Variants in DCHS2 observed in about 807,000 individuals in gnomAD.
The protein encoded by DCHS2 is protocadherin-23.
In DCHS2, 142 loss-of-function variants were observed where a neutral mutation model predicts 182.4. That is an observed-to-expected ratio of 0.78 (90% CI 0.68 to 0.89). The LOEUF (loss-of-function observed/expected upper bound fraction) is 0.89, where lower values mean the gene tolerates loss of function less well. DCHS2 is among the 40% of genes least tolerant of loss of function. The pLI is 0.00. For synonymous variants in DCHS2, 1,740 were observed against 1,663.3 expected, an observed-to-expected ratio of 1.05 and a Z score of -1.12; for missense variants, 4,319 against 4,198.6, an observed-to-expected ratio of 1.03 and a Z score of -0.79.
chr4:154,251,455 C>T (rs911435116), intron 16 of DCHS2, among the ~76,000 whole-genome samples: 4 of 152,066 alleles, frequency 2.6e-5, no homozygotes, highest in South Asian at 2.1e-4. Flanking sequence ...AGCAGGAGTT[C>T]CATAAATGGA....
At position 154,361,912 on chromosome 4, in the gene DCHS2, T is replaced by C. The variant is rs146121033; in HGVS notation, c.2476+4298A>G. On this transcript the variant is annotated intron_variant, in intron 3 of 19. Coordinates refer to ENST00000357232, the MANE Select transcript of DCHS2 (RefSeq NM_001358235.2). ...CTATAACAGAAAGCATGTAAGTTTA[T>C]AAAATAGCATGTCTGATAAAGAAAG... Among the ~76,000 whole-genome samples, 23 of 152,120 alleles carry C rather than the reference T, an allele frequency of 1.5e-4. No individual in the cohort carries two copies. The East Asian group carries it at 3.7e-3, about 24-fold the overall frequency.
chr4:154,247,119 A>G (rs770264427), intron 16 of DCHS2, among the ~76,000 whole-genome samples: 1 of 152,234 alleles, frequency 6.6e-6, no homozygotes, highest in Non-Finnish European at 1.5e-5. Context: ...ATTTTAAAAT[A>G]CTATGGATGA....
chr4:154,429,921 A>T (rs1433549818), intron 1 of DCHS2, among the ~76,000 whole-genome samples: 2 of 152,192 alleles, frequency 1.3e-5, no homozygotes, highest in Non-Finnish European at 1.5e-5. Flanking sequence ...CCACATCTGC[A>T]AAATATGGGT....
At chr4:154,455,881 G>A (rs1734742874) in intron 1 of DCHS2, among the ~76,000 whole-genome samples, 1 of 152,138 alleles carries the variant, frequency 6.6e-6, no homozygotes, top group Non-Finnish European at 1.5e-5. Context: ...CTTGAGGCCA[G>A]GAGTTCGAGC....
At chr4:154,375,725 G>T (rs1338814639) in intron 2 of DCHS2, among the ~76,000 whole-genome samples, 1 of 152,038 alleles carries the variant, frequency 6.6e-6, no homozygotes, top group Non-Finnish European at 1.5e-5. Context: ...ATACTTCACT[G>T]GTGGGAGCGC....
At chr4:154,433,897 AC>A (rs1285137884) in intron 1 of DCHS2, among the ~76,000 whole-genome samples, 2 of 152,222 alleles carry the variant, frequency 1.3e-5, no homozygotes, top group Non-Finnish European at 2.9e-5. Flanking sequence ...TTGCCAAATT[AC>A]CCAGTTTCAG....
chr4:154,249,352 A>T (rs1732237327), intron 16 of DCHS2, among the ~76,000 whole-genome samples: 1 of 152,216 alleles, frequency 6.6e-6, no homozygotes, highest in Admixed American at 6.5e-5. Flanking sequence ...ATCACTAATC[A>T]TCAGAGAAAT....
rs371293164 is a variant in DCHS2, at chr4:154,286,704, C to A, written c.6463+11147G>T. On this transcript the variant is annotated intron_variant, in intron 13 of 19. Transcript: ENST00000357232. The stretch of plus-strand genomic sequence containing the variant: ...GATGAAAAAGAAGAAAGCACATCTA[C>A]AAGATCTAGAAAATAGCCTCAAAAG... 1.6e-4 allele frequency among the ~76,000 whole-genome samples: 24 copies of A among 152,032 alleles called. 1 individual carries two copies. The East Asian group carries it at 2.1e-3, about 14-fold the overall frequency.
chr4:154,455,680 C>A (rs892411897), intron 1 of DCHS2, among the ~76,000 whole-genome samples: 2 of 152,198 alleles, frequency 1.3e-5, no homozygotes, highest in African/African-American at 4.8e-5. Context: ...TGCAAAATGC[C>A]ATGCAGCAAT....
At chr4:154,300,720 A>C (rs1246838145) in intron 12 of DCHS2, among the ~76,000 whole-genome samples, 4 of 152,062 alleles carry the variant, frequency 2.6e-5, no homozygotes, top group Non-Finnish European at 5.9e-5. Context: ...TTAAAAAAAA[A>C]GAAAAGAAAA....
intron 2 of DCHS2, among the ~76,000 whole-genome samples, chr4:154,374,530 T>G (rs1262407981): frequency 6.6e-6 from 1 of 152,192 alleles, no homozygotes; most frequent in Non-Finnish European, 1.5e-5. Flanking sequence ...TTCCTACATA[T>G]TTTCTTACAT....
intron 1 of DCHS2, among the ~76,000 whole-genome samples, chr4:154,465,757 A>G (rs934239408): frequency 6.6e-6 from 1 of 152,152 alleles, no homozygotes; most frequent in Non-Finnish European, 1.5e-5. Context: ...TCAATAAAGG[A>G]CAATACACAA....
At chr4:154,310,784 A>G (rs1470674593) in intron 10 of DCHS2, among the ~76,000 whole-genome samples, 1 of 152,166 alleles carries the variant, frequency 6.6e-6, no homozygotes, top group African/African-American at 2.4e-5. Flanking sequence ...GTTGGTAGAG[A>G]TATTATGATG....
chr4:154,478,797 A>C (rs1735798959), intron 1 of DCHS2, among the ~76,000 whole-genome samples: 1 of 152,208 alleles, frequency 6.6e-6, no homozygotes, highest in Admixed American at 6.5e-5. Context: ...CAGGTGCCTG[A>C]GAGTCAGAAT....
rs761474198 is a variant in DCHS2 at position 154,242,636 on chromosome 4, ACTTAC to A, written c.7072+1_7072+5del. ...CAAAACCACTATGCCAAATTGTCAC[ACTTAC>A]CTTCTGTAATTTCCACTGCTTCAGA... On this transcript the variant is annotated splice_donor_variant and splice_donor_5th_base_variant and intron_variant, in intron 17 of 19. Transcript: ENST00000357232. LOFTEE classifies it high-confidence loss of function. 1.2e-6 allele frequency: 2 copies of A among 1,606,816 alleles called. No homozygotes were observed. The highest frequency in any genetic ancestry group is 1.7e-6 in the Non-Finnish European group (2 of 1,177,434).
intron 3 of DCHS2, among the ~76,000 whole-genome samples, chr4:154,349,131 A>G (rs185298254): frequency 4.6e-5 from 7 of 152,124 alleles, no homozygotes; most frequent in Admixed American, 1.3e-4. Flanking sequence ...TTTATTTGCA[A>G]TTCTAGAGTT....
chr4:154,353,263 G>T (rs1352868236), intron 3 of DCHS2, among the ~76,000 whole-genome samples: 2 of 151,582 alleles, frequency 1.3e-5, no homozygotes, highest in Non-Finnish European at 2.9e-5. Flanking sequence ...AGGATTCAAA[G>T]AATTCCTCAG....
At chr4:154,375,447 CA>C (rs1730845277) in intron 2 of DCHS2, among the ~76,000 whole-genome samples, 1 of 151,150 alleles carries the variant, frequency 6.6e-6, no homozygotes, top group Non-Finnish European at 1.5e-5. Context: ...ACTTTCAGGC[CA>C]AAAATATAAA....
intron 12 of DCHS2, 52 bp from the exon 13 acceptor site, chr4:154,298,760 T>G (rs749959022): frequency 1.8e-4 from 274 of 1,515,478 alleles, no homozygotes; most frequent in Non-Finnish European, 2.3e-4. Flanking sequence ...GTAGCAGCTC[T>G]TTGCTAGCAC....
Sources: allele counts gnomAD v4.1 joint callset (sites outside exome capture counted in the v4.1 genomes callset), GRCh38; gene constraint gnomAD v4.1.1; transcripts MANE v1.5; gene names NCBI Gene and HGNC (gene_info 2026-07-23, HGNC 2026-07-21).